MYO15B: variants seen among roughly 807,000 people sequenced by gnomAD.
MYO15B encodes myosin XVB.
In MYO15B, 207 loss-of-function variants were observed where a neutral mutation model predicts 119.3. The ratio of observed to expected loss-of-function variants is 1.73; its 90% confidence interval spans 1.55 to 1.95. The LOEUF (loss-of-function observed/expected upper bound fraction) is 1.95. Ranked by LOEUF, MYO15B falls within the 30% of genes most tolerant of loss-of-function variation. The pLI is 0.00. For missense variants in MYO15B, 2,264 were observed against 1,203.1 expected (o/e 1.88, Z -13.04); for synonymous variants, 966 against 498.9 (o/e 1.94, Z -12.48).
chr17:75,596,988 A>AG lies in MYO15B; in HGVS notation c.3525+93dup. 4 of 619,292 alleles carry AG rather than the reference A, an allele frequency of 6.5e-6. No homozygotes were observed. In the East Asian group the frequency reaches 8.2e-5, roughly 13 times the overall value. The allele number at this position is 619,292 out of a possible 1,614,324, so 38.4% of individuals were successfully genotyped here. A position where few individuals can be genotyped will look rare whatever the true frequency, so the allele number is the denominator to read the frequency against. ...GGCTGTAGCTGGCAGAGCCTCCCAG[A>AG]GGGGACAAGGTTATGGGATCCAGCG... On this transcript the variant is annotated intron_variant, in intron 14 of 63. Transcript: ENST00000645453.
chr17:75,614,459 C>G, intron 30 of MYO15B, 99 bp downstream of exon 30: 1 of 664,286 alleles, frequency 1.5e-6, no homozygotes, highest in East Asian at 2.7e-5. Context: ...TGCCACAGGC[C>G]CAGCCCTCCC....
chr17:75,606,004 G>T (rs1234438138), exon 21 of MYO15B: 3 of 699,280 alleles, frequency 4.3e-6, no homozygotes, highest in African/African-American at 1.7e-5. Flanking sequence ...AGGCTCGCAT[G>T]CGTGGGTTCC....
In MYO15B at chr17:75,615,458, G is replaced by A. The variant is rs761618483; in HGVS notation, c.5741-45G>A. 12 of 674,548 alleles carry A rather than the reference G, an allele frequency of 1.8e-5. 1 individual carries two copies. The South Asian group carries it at 1.9e-4, about 11-fold the overall frequency. 41.8% of individuals were successfully genotyped at this position (674,548 alleles called of 1,614,324 possible). ...TGCACAGTGGGCAGCGAGCTTCAAGGCTGGCCATGGTGCCCACCACTCTGG... is the reference window on the plus strand; with the variant it reads ...TGCACAGTGGGCAGCGAGCTTCAAGACTGGCCATGGTGCCCACCACTCTGG... On this transcript the variant is annotated intron_variant, in intron 34 of 63. Coordinates refer to ENST00000645453, the Ensembl canonical transcript of MYO15B.
At chr17:75,605,874 A>G in exon 21 of MYO15B, 1 of 696,082 alleles carries the variant, frequency 1.4e-6, no homozygotes, top group Non-Finnish European at 2.6e-6. Context: ...GTCCTGCTGC[A>G]GGAGCAGGGC....
At position 75,604,508 on chromosome 17, in the gene MYO15B, G is replaced by A. The variant is rs940528923; in HGVS notation, c.4017-996G>A. ...TCCCTTCCACGTCCCTCCCTCCCACGCCCCTCCCTCCCTTCCATGCCCCTC... is the reference window on the plus strand; with the variant it reads ...TCCCTTCCACGTCCCTCCCTCCCACACCCCTCCCTCCCTTCCATGCCCCTC... On this transcript the variant is annotated intron_variant, in intron 19 of 63. Transcript: ENST00000645453. Among the ~76,000 whole-genome samples, 6 of 34,534 alleles carry A rather than the reference G, an allele frequency of 1.7e-4. No homozygotes were observed. In the East Asian group the frequency reaches 4.4e-3, roughly 25 times the overall value. The allele number at this position is 34,534 out of a possible 152,430, so 22.7% of individuals were successfully genotyped here.
chr17:75,612,217 CAGTT>C (rs1361137489), intron 25 of MYO15B, among the ~76,000 whole-genome samples: 2 of 152,180 alleles, frequency 1.3e-5, no homozygotes, highest in Non-Finnish European at 2.9e-5. Context: ...CTGGAGATAA[CAGTT>C]GGTGTTATTG....
In MYO15B at chr17:75,613,698, C is replaced by T; in HGVS notation, c.5147-7C>T. On this transcript the variant is annotated splice_region_variant and splice_polypyrimidine_tract_variant and intron_variant, in intron 28 of 63. Coordinates refer to ENST00000645453, the Ensembl canonical transcript of MYO15B. ...CACTCTTGCCCCCGCCCCCCATGCC[C>T]CTGCAGAGGAGTGCTACTCGGCCGA... 1 of 701,724 alleles carries T rather than the reference C, an allele frequency of 1.4e-6. No homozygotes were observed. Among genetic ancestry groups the T allele is most frequent in the Non-Finnish European group, 2.6e-6 (1 of 384,388 alleles). 43.5% of individuals were successfully genotyped at this position (701,724 alleles called of 1,614,324 possible).
At chr17:75,612,515 A>G (rs1026727928) in intron 25 of MYO15B, among the ~76,000 whole-genome samples, 5 of 152,194 alleles carry the variant, frequency 3.3e-5, no homozygotes, top group African/African-American at 9.7e-5. Context: ...TCTACTAAAA[A>G]TACAAAAATT....
At chr17:75,605,809 G>A in intron 20 of MYO15B, 55 bp from the exon 21 acceptor site, 1 of 651,440 alleles carries the variant, frequency 1.5e-6, no homozygotes, top group Non-Finnish European at 2.8e-6. Flanking sequence ...CAGAGGAGGA[G>A]AGCAGGAGGG....
At chr17:75,622,941 G>A (rs1263491893) in intron 53 of MYO15B, among the ~76,000 whole-genome samples, 1 of 152,220 alleles carries the variant, frequency 6.6e-6, no homozygotes, top group East Asian at 1.9e-4. Context: ...ACCAGCTGAG[G>A]ACACGGGGAG....
chr17:75,615,316 G>A (rs2058299361), exon 34 of MYO15B: 1 of 702,528 alleles, frequency 1.4e-6, no homozygotes, highest in Non-Finnish European at 2.6e-6. Flanking sequence ...TGCCAGCAAT[G>A]GGCACAGTCC....
intron 60 of MYO15B, 60 bp downstream of exon 60, chr17:75,625,298 G>T: frequency 1.5e-6 from 1 of 654,794 alleles, no homozygotes; most frequent in South Asian, 1.7e-5. Flanking sequence ...AAGGCCATTT[G>T]ACTGGTACCC....
At chr17:75,592,378 G>A (rs1335455476) in intron 7 of MYO15B, 50 bp from the exon 8 acceptor site, 6 of 691,512 alleles carry the variant, frequency 8.7e-6, no homozygotes, top group African/African-American at 3.5e-5. Context: ...TCGGGGTGTG[G>A]CCTCTAAGCC....
exon 16 of MYO15B, chr17:75,602,593 A>G: frequency 1.5e-6 from 1 of 670,702 alleles, no homozygotes; most frequent in Admixed American, 2.1e-5. Flanking sequence ...AGCCAGCTCC[A>G]GGTGCCCATC....
intron 21 of MYO15B, among the ~76,000 whole-genome samples, chr17:75,607,766 T>C (rs978273261): frequency 6.6e-6 from 1 of 152,108 alleles, no homozygotes; most frequent in African/African-American, 2.4e-5. Flanking sequence ...CGGCCTGTTC[T>C]AGTCTGTTTA....
intron 9 of MYO15B, among the ~76,000 whole-genome samples, chr17:75,593,405 C>G (rs1245643797): frequency 1.3e-5 from 2 of 152,058 alleles, no homozygotes; most frequent in East Asian, 3.8e-4. Flanking sequence ...TGAGACCAGC[C>G]TGGCCAACAT....
exon 50 of MYO15B, chr17:75,621,075 G>A (rs1480147861): frequency 1.4e-6 from 1 of 702,850 alleles, no homozygotes; most frequent in East Asian, 2.7e-5. Flanking sequence ...ACGACTCGGA[G>A]GCCACCAGCC....
intron 9 of MYO15B, among the ~76,000 whole-genome samples, chr17:75,593,758 A>G (rs1394609305): frequency 2.6e-5 from 4 of 151,678 alleles, no homozygotes; most frequent in Admixed American, 6.6e-5. Flanking sequence ...CGTCTCTACT[A>G]AAAATACAAA....
chr17:75,612,033 A>G lies in MYO15B; in HGVS notation c.4635+17A>G, dbSNP rs1010680445. 1.9e-5 allele frequency: 13 copies of G among 702,492 alleles called. No homozygotes were observed. The Admixed American group carries it at 2.4e-4, about 13-fold the overall frequency. 43.5% of individuals were successfully genotyped at this position (702,492 alleles called of 1,614,324 possible). A position where few individuals can be genotyped will look rare whatever the true frequency, so the allele number is the denominator to read the frequency against. On this transcript the variant is annotated intron_variant, in intron 25 of 63. Coordinates refer to ENST00000645453, the Ensembl canonical transcript of MYO15B. ...GGCTTTCAGGTGGGCGCCCAGGCCT[A>G]AGCTCTTCCCGCTGGCCTCACCGCT...
Sources: allele counts gnomAD v4.1 joint callset (sites outside exome capture counted in the v4.1 genomes callset), GRCh38; gene constraint gnomAD v4.1.1; transcripts MANE v1.5; gene names NCBI Gene and HGNC (gene_info 2026-07-23, HGNC 2026-07-21).